Variants in EPHB2 observed in about 807,000 individuals in gnomAD.
The protein encoded by EPHB2 is EPH receptor B2, also known as ephrin type-B receptor 2.
In EPHB2, 18 loss-of-function variants were observed where a neutral mutation model predicts 96.4. The observed-to-expected ratio is 0.19, with a 90% CI of 0.13 to 0.28. The LOEUF (loss-of-function observed/expected upper bound fraction) is 0.28, where lower values mean the gene tolerates loss of function less well. EPHB2 is among the 10% of genes least tolerant of loss of function. The pLI is 1.00. For missense variants in EPHB2, 989 were observed against 1,355.4 expected (o/e 0.73, Z 4.25); for synonymous variants, 506 against 534.1 (o/e 0.95, Z 0.72).
chr1:22,850,935 T>C (rs1645617385), intron 3 of EPHB2, among the ~76,000 whole-genome samples: 1 of 151,296 alleles, frequency 6.6e-6, no homozygotes, highest in African/African-American at 2.4e-5. Context: ...TGGAGGGGAG[T>C]TCAGAGAGGA....
chr1:22,836,293 T>C (rs1234468501), intron 3 of EPHB2, among the ~76,000 whole-genome samples: 1 of 152,176 alleles, frequency 6.6e-6, no homozygotes, highest in Non-Finnish European at 1.5e-5. Flanking sequence ...AGTCCAACTC[T>C]ACACCAGGCT....
chr1:22,765,372 C>T (rs184308565), intron 1 of EPHB2, among the ~76,000 whole-genome samples: 2 of 152,054 alleles, frequency 1.3e-5, no homozygotes, highest in African/African-American at 2.4e-5. Context: ...CATGGCGAAA[C>T]CCCATCTGTA....
chr1:22,797,408 C>G (rs1320575942), intron 3 of EPHB2, among the ~76,000 whole-genome samples: 1 of 152,176 alleles, frequency 6.6e-6, no homozygotes, highest in East Asian at 1.9e-4. Flanking sequence ...CACTGGCTCC[C>G]AGGGTCCCAC....
chr1:22,797,048 A>T (rs1382673533), intron 3 of EPHB2, among the ~76,000 whole-genome samples: 1 of 152,126 alleles, frequency 6.6e-6, no homozygotes, highest in African/African-American at 2.4e-5. Context: ...GGACTCTAGG[A>T]AGTAAAAGGG....
intron 1 of EPHB2, among the ~76,000 whole-genome samples, chr1:22,761,590 TG>T (rs2148395173): frequency 6.6e-6 from 1 of 152,260 alleles, no homozygotes; most frequent in Non-Finnish European, 1.5e-5. Flanking sequence ...GTCTGTAAAA[TG>T]GGGATAGGAA....
At chr1:22,750,012 C>T (rs975757664) in intron 1 of EPHB2, among the ~76,000 whole-genome samples, 1 of 152,186 alleles carries the variant, frequency 6.6e-6, no homozygotes, top group Non-Finnish European at 1.5e-5. Context: ...GTGCAAAGAC[C>T]TTAACCTGCA....
At chr1:22,798,344 G>C (rs1644796506) in intron 3 of EPHB2, among the ~76,000 whole-genome samples, 1 of 152,198 alleles carries the variant, frequency 6.6e-6, no homozygotes, top group African/African-American at 2.4e-5. Flanking sequence ...CTGTGGCTGG[G>C]ATAGATGTTT....
At chr1:22,752,591 A>G (rs1329750986) in intron 1 of EPHB2, among the ~76,000 whole-genome samples, 1 of 151,184 alleles carries the variant, frequency 6.6e-6, no homozygotes, top group East Asian at 1.9e-4. Context: ...CAGGACATAC[A>G]AGGGAATTAA....
chr1:22,898,135 C>G (rs75308979), intron 9 of EPHB2, among the ~76,000 whole-genome samples: 5,107 of 138,350 alleles, frequency 0.037, 303 homozygotes, highest in African/African-American at 0.13. Context: ...AAAAAAAAAA[C>G]AAAAGAAAAA....
intron 1 of EPHB2, among the ~76,000 whole-genome samples, chr1:22,736,895 G>A (rs927906213): frequency 6.6e-6 from 1 of 152,148 alleles, no homozygotes; most frequent in African/African-American, 2.4e-5. Flanking sequence ...AGGGGAGACT[G>A]GGGGAGACCG....
At chr1:22,861,030 G>T (rs1206088069) in intron 3 of EPHB2, among the ~76,000 whole-genome samples, 5 of 152,232 alleles carry the variant, frequency 3.3e-5, no homozygotes, top group Non-Finnish European at 7.3e-5. Context: ...ATGTAGCTCA[G>T]AGAGGTCAAA....
chr1:22,730,167 C>G (rs932265405), intron 1 of EPHB2, among the ~76,000 whole-genome samples: 1 of 152,206 alleles, frequency 6.6e-6, no homozygotes, highest in African/African-American at 2.4e-5. Flanking sequence ...GGAGGAAGGT[C>G]CCACTGGTAT....
At chr1:22,725,377 A>G (rs1283853912) in intron 1 of EPHB2, among the ~76,000 whole-genome samples, 2 of 152,030 alleles carry the variant, frequency 1.3e-5, no homozygotes, top group Middle Eastern at 3.2e-3. Flanking sequence ...ATAGATAGGT[A>G]ACAGGTTGGT....
intron 1 of EPHB2, among the ~76,000 whole-genome samples, chr1:22,753,821 G>A (rs572358693): frequency 6.6e-6 from 1 of 152,232 alleles, no homozygotes; most frequent in African/African-American, 2.4e-5. Flanking sequence ...ACCCTTGCTG[G>A]ACCCATTTAT....
chr1:22,801,110 T>A (rs1447066683), intron 3 of EPHB2, among the ~76,000 whole-genome samples: 1 of 152,236 alleles, frequency 6.6e-6, no homozygotes, highest in East Asian at 1.9e-4. Context: ...TGTATGGCCT[T>A]GGCCATTTCC....
At chr1:22,822,049 A>G (rs1645159447) in intron 3 of EPHB2, among the ~76,000 whole-genome samples, 2 of 152,362 alleles carry the variant, frequency 1.3e-5, no homozygotes, top group South Asian at 2.1e-4. Context: ...CTATGTACCA[A>G]TTACAGTGCT....
intron 3 of EPHB2, among the ~76,000 whole-genome samples, chr1:22,823,261 T>C (rs1645177831): frequency 6.6e-6 from 1 of 152,232 alleles, no homozygotes; most frequent in South Asian, 2.1e-4. Flanking sequence ...GTAGCTAACC[T>C]GGCCCATCCT....
intron 1 of EPHB2, among the ~76,000 whole-genome samples, chr1:22,739,729 TG>T (rs1228347982): frequency 6.6e-6 from 1 of 152,120 alleles, no homozygotes; most frequent in Non-Finnish European, 1.5e-5. Flanking sequence ...AGGTGACCCT[TG>T]GGGAGTCAGG....
At chr1:22,904,548 G>T (rs1490050985) in intron 9 of EPHB2, among the ~76,000 whole-genome samples, 4 of 152,124 alleles carry the variant, frequency 2.6e-5, no homozygotes, top group African/African-American at 9.7e-5. Context: ...GACCTCAAGG[G>T]TTAAACAAAT....
Sources: allele counts gnomAD v4.1 joint callset (sites outside exome capture counted in the v4.1 genomes callset), GRCh38; gene constraint gnomAD v4.1.1; transcripts MANE v1.5; gene names NCBI Gene and HGNC (gene_info 2026-07-23, HGNC 2026-07-21).